Variants in TSR1 observed in about 807,000 individuals in gnomAD.
The protein encoded by TSR1 is TSR1 ribosome maturation factor.
TSR1 carries 81 observed loss-of-function variants against 90.9 expected under a neutral mutation model. The ratio of observed to expected loss-of-function variants is 0.89; its 90% CI spans 0.74 to 1.07. TSR1 has a LOEUF of 1.07. Among genes scored for constraint, TSR1 ranks in the 50% least tolerant of loss-of-function variants. TSR1 has a pLI of 0.00. For synonymous variants in TSR1, 362 were observed against 348.8 expected (o/e 1.04, Z -0.42); for missense variants, 989 against 987.3 (o/e 1.00, Z -0.02).
chr17:2,335,405 A>G lies in TSR1; in HGVS notation c.422-11T>C. 3 of 1,612,676 alleles carry G rather than the reference A, an allele frequency of 1.9e-6. No individual in the cohort carries two copies. Among genetic ancestry groups the G allele is most frequent in the Non-Finnish European group, 1.7e-6 (2 of 1,179,576 alleles). On this transcript the variant is annotated splice_polypyrimidine_tract_variant and intron_variant, in intron 3 of 14. Coordinates refer to ENST00000301364, the MANE Select transcript of TSR1 (RefSeq NM_018128.5). ...CAACGTGCAGATCCCCTGCAGATAG[A>G]AGACACAGTAAGAAGAGGTGGTTGG...
At chr17:2,324,640 C>T (rs2151438903) in intron 13 of TSR1, 49 bp downstream of exon 13, 1 of 1,614,006 alleles carries the variant, frequency 6.2e-7, no homozygotes, top group East Asian at 2.2e-5. Flanking sequence ...TAAACCCAAC[C>T]TTTATACCAC....
rs138511390 is a variant in TSR1 at position 2,332,511 on chromosome 17, T to C, written c.1306-152A>G. On this transcript the variant is annotated intron_variant, in intron 7 of 14. Transcript: ENST00000301364. The stretch of plus-strand genomic sequence containing the variant: ...TCTAAAGTATAAAACAAAAGCCTCA[T>C]TCCTGGCAACTACAGAGTCATTCCT... The C allele has an allele frequency of 3.8e-4, 274 of 715,824 alleles. No homozygotes were observed. In the African/African-American group the frequency reaches 4.5e-3, roughly 12 times the overall value. 44.3% of individuals were successfully genotyped at this position (715,824 alleles called of 1,614,324 possible).
At chr17:2,332,875 C>A in intron 7 of TSR1, 86 bp downstream of exon 7, 2 of 1,289,416 alleles carry the variant, frequency 1.6e-6, no homozygotes, top group Non-Finnish European at 2.1e-6. Context: ...AAGAAACTAA[C>A]CACACACACC....
chr17:2,333,995 C>G (rs1272984848), intron 5 of TSR1, among the ~76,000 whole-genome samples: 3 of 152,072 alleles, frequency 2.0e-5, no homozygotes, highest in Non-Finnish European at 4.4e-5. Context: ...TCACATAAAC[C>G]CTTTGATCCA....
At position 2,328,593 on chromosome 17, in the gene TSR1, AAAACAAAC is replaced by A. The variant is rs202243195; in HGVS notation, c.1903+742_1903+749del. On this transcript the variant is annotated intron_variant, in intron 11 of 14. Transcript: ENST00000301364. ...AACGGAGTAAGACTCCGTCTCCAAAAAAACAAACAAACAAACAAACAAAAAAAAACAAA... is the reference window on the plus strand; with the variant it reads ...AACGGAGTAAGACTCCGTCTCCAAAAAAACAAACAAACAAAAAAAAACAAA... Among the ~76,000 whole-genome samples, 131 of 150,726 alleles carry A rather than the reference AAAACAAAC, an allele frequency of 8.7e-4. 1 individual carries two copies. The South Asian group carries it at 0.026, about 30-fold the overall frequency.
intron 11 of TSR1, among the ~76,000 whole-genome samples, chr17:2,327,959 A>G (rs1433219217): frequency 6.6e-6 from 1 of 152,144 alleles, no homozygotes; most frequent in African/African-American, 2.4e-5. Context: ...GAAACAATAA[A>G]AGAATGACTG....
Position 2,323,818 on chromosome 17 carries a change from T to A in TSR1, c.*378A>T. The A allele has an allele frequency of 6.2e-7, 1 of 1,614,198 alleles. No homozygotes were observed. The highest frequency in any genetic ancestry group is 8.5e-7 in the Non-Finnish European group (1 of 1,180,042). ...GGAAATGTAGACTTAACCTCCTCCA[T>A]AACTTGGGTGAAGCAGGCTGAAAGG... On this transcript the variant is annotated 3_prime_UTR_variant, in exon 15 of 15. Transcript: ENST00000301364.
chr17:2,324,961 T>C (rs778574194), intron 12 of TSR1, 132 bp from the exon 13 acceptor site: 3 of 1,026,036 alleles, frequency 2.9e-6, no homozygotes, highest in Non-Finnish European at 4.1e-6. Context: ...GAGGCTAAGA[T>C]TGGTAAACTG....
chr17:2,323,673 T>A lies in TSR1; in HGVS notation c.*523A>T, dbSNP rs1161848665. The A allele has an allele frequency of 1.2e-6, 2 of 1,613,980 alleles. No homozygotes were observed. The highest frequency in any genetic ancestry group is 1.7e-6 in the Non-Finnish European group (2 of 1,179,976). ...TCAACAGTGTGCAACCCAGCTGGTG[T>A]GGGAGAGGATGAAACTACTCATTGA... On this transcript the variant is annotated 3_prime_UTR_variant, in exon 15 of 15. Transcript: ENST00000301364.
intron 2 of TSR1, 110 bp from the exon 3 acceptor site, chr17:2,335,840 G>T: frequency 7.4e-7 from 1 of 1,351,134 alleles, no homozygotes; most frequent in Non-Finnish European, 1.0e-6. Context: ...CATCTCTCTA[G>T]TAAAAGACCA....
rs1212966639 is a variant in TSR1 at position 2,332,766 on chromosome 17, G to C, written c.1305+195C>G. Among the ~76,000 whole-genome samples the C allele has an allele frequency of 3.9e-5, 6 of 152,040 alleles. No homozygotes were observed. The East Asian group carries it at 1.2e-3, about 29-fold the overall frequency. On this transcript the variant is annotated intron_variant, in intron 7 of 14. Transcript: ENST00000301364. Reference sequence around the variant, plus strand: ...GCAGGAGAATGGCGTGAACCCAGGAGGGAGAGCTTGCAGTGAGCCCAGATC... The same window carrying C: ...GCAGGAGAATGGCGTGAACCCAGGACGGAGAGCTTGCAGTGAGCCCAGATC...
In TSR1 at chr17:2,335,714, C is replaced by T; in HGVS notation, c.218G>A (p.Arg73Lys). 1.2e-6 allele frequency: 2 copies of T among 1,613,270 alleles called. No individual in the cohort carries two copies. Among genetic ancestry groups the T allele is most frequent in the Non-Finnish European group, 1.7e-6 (2 of 1,179,978 alleles). Residue 73 changes from arginine (R) to lysine (K), a missense_variant, in exon 3 of 15, where the codon AGA becomes AAA. Physicochemically the swap from Arg to Lys is conservative, Grantham distance 26 (BLOSUM62 2). Coordinates refer to ENST00000301364, the MANE Select transcript of TSR1 (RefSeq NM_018128.5). ...QKKEAVLAEKRQLGGKDGPPH... is the reference protein window; with the variant it reads ...QKKEAVLAEKKQLGGKDGPPH... The stretch of plus-strand genomic sequence containing the variant: ...AGGGCCATCCTTGCCACCCAGCTGT[C>T]TCTTCTCTGCCAGAACCTGAAAATA...
intron 9 of TSR1, 107 bp downstream of exon 9, chr17:2,330,840 C>T: frequency 7.7e-7 from 1 of 1,297,234 alleles, no homozygotes; most frequent in Non-Finnish European, 1.1e-6. Context: ...CTCAGGGGCT[C>T]CCCTAATCCC....
At chr17:2,332,142 G>C (rs777942870) in intron 8 of TSR1, 27 bp downstream of exon 8, 1 of 1,598,118 alleles carries the variant, frequency 6.3e-7, no homozygotes, top group Non-Finnish European at 8.5e-7. Flanking sequence ...ACTGAATTTA[G>C]ATTTGTTGAT....
At chr17:2,334,163 G>A (rs540908910) in intron 5 of TSR1, among the ~76,000 whole-genome samples, 33 of 152,076 alleles carry the variant, frequency 2.2e-4, no homozygotes, top group Admixed American at 6.5e-4. Flanking sequence ...CTGCTGGTCC[G>A]CACTCTAACC....
chr17:2,335,785 C>A, intron 2 of TSR1, 55 bp from the exon 3 acceptor site: 3 of 1,555,814 alleles, frequency 1.9e-6, no homozygotes, highest in Admixed American at 1.8e-5. Flanking sequence ...TTCACTCCAG[C>A]ATTGCATTTC....
In TSR1 at chr17:2,323,828, G is replaced by A. The variant is rs369740761; in HGVS notation, c.*368C>T. 1.4e-5 allele frequency: 23 copies of A among 1,614,086 alleles called. No individual in the cohort carries two copies. The highest frequency in any genetic ancestry group is 1.5e-5 in the Non-Finnish European group (18 of 1,180,048). On this transcript the variant is annotated 3_prime_UTR_variant, in exon 15 of 15. Coordinates refer to ENST00000301364, the MANE Select transcript of TSR1 (RefSeq NM_018128.5). ...ACTTAACCTCCTCCATAACTTGGGT[G>A]AAGCAGGCTGAAAGGCCAGCTTCTT...
At chr17:2,335,863 C>T (rs753912997) in intron 2 of TSR1, 133 bp from the exon 3 acceptor site, 3 of 1,273,894 alleles carry the variant, frequency 2.4e-6, no homozygotes, top group African/African-American at 1.5e-5. Context: ...GGTATGCCAG[C>T]GGGGTGGCAG....
At chr17:2,324,395 G>A (rs1408318314) in intron 14 of TSR1, 21 bp from the exon 15 acceptor site, 34 of 1,592,560 alleles carry the variant, frequency 2.1e-5, no homozygotes, top group Non-Finnish European at 2.7e-5. Context: ...ATCAGAACAA[G>A]TCGGTCAAAT....
Sources: allele counts gnomAD v4.1 joint callset (sites outside exome capture counted in the v4.1 genomes callset), GRCh38; gene constraint gnomAD v4.1.1; transcripts MANE v1.5; gene names NCBI Gene and HGNC (gene_info 2026-07-23, HGNC 2026-07-21).